YME1L1: variants seen among roughly 807,000 people sequenced by gnomAD.
The protein encoded by YME1L1 is ATP-dependent zinc metalloprotease YME1L1.
YME1L1 carries 39 observed loss-of-function variants against 90.4 expected under a neutral mutation model. The ratio of observed to expected loss-of-function variants is 0.43; its 90% CI spans 0.33 to 0.56. YME1L1 has a LOEUF of 0.56. Among genes scored for constraint, YME1L1 ranks in the 20% least tolerant of loss-of-function variants. The pLI is 0.03. For missense variants in YME1L1, 617 were observed against 868.4 expected (o/e 0.71, Z 3.64); for synonymous variants, 284 against 287.3 (o/e 0.99, Z 0.12).
chr10:27,132,300 T>C (rs1237135249), intron 7 of YME1L1, among the ~76,000 whole-genome samples: 2 of 151,776 alleles, frequency 1.3e-5, no homozygotes, highest in Non-Finnish European at 2.9e-5. Flanking sequence ...GGGTTTTCCA[T>C]GTTGGTCAGG....
Position 27,134,856 on chromosome 10 carries a change from A to G in YME1L1, c.666T>C (p.Ala222=). 6.2e-7 allele frequency: 1 copy of G among 1,613,966 alleles called. No individual in the cohort carries two copies. The highest frequency in any genetic ancestry group is 8.5e-7 in the Non-Finnish European group (1 of 1,179,936). ...KTGFAEGFLK[A]QALTQKTNDS... ...CATTGGTTTTTTGTGTGAGTGCTTG[A>G]GCTTTCAGAAAACCTTCCGCAAAAC... is the stretch of plus-strand genomic sequence containing the variant. Residue 222 remains alanine (A), a synonymous_variant, in exon 6 of 19, where the codon GCT becomes GCC. Transcript: ENST00000376016.
chr10:27,134,696 A>T (rs1588601989), intron 6 of YME1L1, 135 bp downstream of exon 6: 3 of 893,712 alleles, frequency 3.4e-6, no homozygotes, highest in Non-Finnish European at 5.0e-6. Context: ...CGCCATTTCT[A>T]CATAGATTAA....
At chr10:27,115,386 A>C (rs981913554) in intron 17 of YME1L1, among the ~76,000 whole-genome samples, 29 of 149,952 alleles carry the variant, frequency 1.9e-4, no homozygotes, top group Non-Finnish European at 7.4e-5. Flanking sequence ...CAGTGGACTC[A>C]CTGTAGCCTC....
In YME1L1 at chr10:27,134,946, C is replaced by G. The variant is rs1170144387; in HGVS notation, c.576G>C (p.Glu192Asp). ...TGGTTTTCATGAGTTTGTCCAAACT[C>G]TCAACATCTGATCCTCTGTCCCGCA... The part of the protein sequence containing the change: ...FLLRDRGSDV[E>D]SLDKLMKTKN... Residue 192 changes from glutamate to aspartate, a missense_variant, in exon 6 of 19, where the codon GAG (glutamate) becomes GAC (aspartate). By Grantham distance (45) the Glu-to-Asp change is conservative (BLOSUM62 2). This residue lies in a region of YME1L1 where 311 missense variants were observed against 335.8 expected (regional missense o/e 0.93). Coordinates refer to ENST00000376016, the MANE Select transcript of YME1L1 (RefSeq NM_014263.4). The G allele has an allele frequency of 1.2e-6, 2 of 1,612,978 alleles. No individual in the cohort carries two copies. The highest frequency in any genetic ancestry group is 1.7e-6 in the Non-Finnish European group (2 of 1,180,010).
intron 14 of YME1L1, among the ~76,000 whole-genome samples, chr10:27,118,310 C>G (rs1260994454): frequency 1.3e-5 from 2 of 149,558 alleles, no homozygotes; most frequent in Middle Eastern, 3.4e-3. Context: ...TCTTTTTAAA[C>G]AGGGTCTGTA....
intron 18 of YME1L1, among the ~76,000 whole-genome samples, chr10:27,114,019 C>G (rs2056787298): frequency 6.6e-6 from 1 of 151,564 alleles, no homozygotes; most frequent in Non-Finnish European, 1.5e-5. Flanking sequence ...TCTTCCCATT[C>G]TATTACCTCT....
At chr10:27,128,590 C>CA (rs940166065) in intron 8 of YME1L1, among the ~76,000 whole-genome samples, 8 of 150,972 alleles carry the variant, frequency 5.3e-5, no homozygotes, top group East Asian at 3.9e-4. Flanking sequence ...CCCCACCCCC[C>CA]AAAAAAAAGA....
intron 18 of YME1L1, among the ~76,000 whole-genome samples, chr10:27,113,219 C>CAAAAAAAAAAAAAA (rs869122796): frequency 4.6e-5 from 2 of 43,104 alleles, no homozygotes; most frequent in Non-Finnish European, 4.4e-5. Context: ...GATGCTGTCT[C>CAAAAAAAAAAAAAA]AAAAAAAAAA....
At chr10:27,145,140 CA>C (rs1189892353) in intron 3 of YME1L1, among the ~76,000 whole-genome samples, 4 of 148,262 alleles carry the variant, frequency 2.7e-5, no homozygotes, top group Non-Finnish European at 4.5e-5. Flanking sequence ...GACTCCGTCT[CA>C]AAAAAAAAAT....
intron 8 of YME1L1, among the ~76,000 whole-genome samples, chr10:27,129,861 C>T (rs1274287228): frequency 6.6e-6 from 1 of 152,194 alleles, no homozygotes; most frequent in African/African-American, 2.4e-5. Context: ...CCATTAACCA[C>T]TCATTCCTCC....
intron 4 of YME1L1, among the ~76,000 whole-genome samples, chr10:27,138,768 T>C (rs917020707): frequency 1.3e-5 from 2 of 152,224 alleles, no homozygotes; most frequent in Non-Finnish European, 1.5e-5. Context: ...TTGACTTACA[T>C]ATGGCTCATT....
intron 17 of YME1L1, 124 bp downstream of exon 17, chr10:27,115,936 G>C: frequency 1.2e-6 from 1 of 857,418 alleles, no homozygotes; most frequent in Non-Finnish European, 1.9e-6. Flanking sequence ...TCAGAATAAA[G>C]AGCCTCAAAT....
At chr10:27,112,181 T>G (rs1420086849) in intron 18 of YME1L1, 61 bp from the exon 19 acceptor site, 1 of 1,512,788 alleles carries the variant, frequency 6.6e-7, no homozygotes, top group Non-Finnish European at 8.9e-7. Context: ...AACCAGTCAA[T>G]GGGAAGAGAA....
intron 17 of YME1L1, among the ~76,000 whole-genome samples, chr10:27,115,010 G>A (rs1260871336): frequency 6.6e-6 from 1 of 152,098 alleles, no homozygotes; most frequent in Non-Finnish European, 1.5e-5. Flanking sequence ...CTAGGTGACA[G>A]AGCGAGACTC....
Position 27,119,290 on chromosome 10 carries a change from C to A in YME1L1, c.1567+4G>T, listed in dbSNP as rs2056842877. 2 of 1,588,986 alleles carry A rather than the reference C, an allele frequency of 1.3e-6. No individual in the cohort carries two copies. Among genetic ancestry groups the A allele is most frequent in the Non-Finnish European group, 1.7e-6 (2 of 1,173,028 alleles). On this transcript the variant is annotated splice_donor_region_variant and intron_variant, in intron 14 of 18. Transcript: ENST00000376016. ...AAGACAGAAAAAAAAGAAAGGAAAC[C>A]TACCCATTAGAATTTTGTCTTTGGA...
At chr10:27,115,036 T>C (rs2056797926) in intron 17 of YME1L1, among the ~76,000 whole-genome samples, 1 of 140,540 alleles carries the variant, frequency 7.1e-6, no homozygotes, top group South Asian at 2.3e-4. Flanking sequence ...CCAAAAAAAA[T>C]AAAAATAAAA....
chr10:27,142,997 G>A lies in YME1L1; in HGVS notation c.332-512C>T, dbSNP rs533400854. On this transcript the variant is annotated intron_variant, in intron 3 of 18. Transcript: ENST00000376016. Reference sequence around the variant, plus strand: ...CTCCCAAAGTGCTGGGATTACAGGCGTGAGCCACTGTGCCCAGCCTACATT... The same window carrying A: ...CTCCCAAAGTGCTGGGATTACAGGCATGAGCCACTGTGCCCAGCCTACATT... Among the ~76,000 whole-genome samples, 60 of 152,204 alleles carry A rather than the reference G, an allele frequency of 3.9e-4. No individual in the cohort carries two copies. The South Asian group carries it at 7.0e-3, about 18-fold the overall frequency.
intron 1 of YME1L1, among the ~76,000 whole-genome samples, chr10:27,152,677 G>A (rs866503437): frequency 3.3e-5 from 5 of 152,090 alleles, no homozygotes; most frequent in Middle Eastern, 3.2e-3. Context: ...TTGGTAAATA[G>A]CACCTTCAAT....
intron 2 of YME1L1, chr10:27,147,510 G>T: frequency 1.2e-6 from 2 of 1,611,414 alleles, no homozygotes. Context: ...GGATTGAGAG[G>T]GAGAAGGGTT....
Sources: allele counts gnomAD v4.1 joint callset (sites outside exome capture counted in the v4.1 genomes callset), GRCh38; gene constraint gnomAD v4.1.1; regional missense constraint gnomAD v4.1.1; transcripts MANE v1.5; gene names NCBI Gene and HGNC (gene_info 2026-07-23, HGNC 2026-07-21).